Variants in RNF2 observed in about 807,000 individuals in gnomAD.
RNF2 encodes E3 ubiquitin-protein ligase RING2.
In RNF2, 6 loss-of-function variants were observed where a neutral mutation model predicts 37.2. The ratio of observed to expected loss-of-function variants is 0.16; its 90% CI spans 0.09 to 0.32. RNF2 has a LOEUF of 0.32. Ranked by LOEUF, RNF2 falls within the 10% of genes least tolerant of loss-of-function variation. RNF2 has a pLI of 1.00. For synonymous variants in RNF2, 133 were observed against 132.7 expected (o/e 1.00, Z -0.02); for missense variants, 251 against 404.0 (o/e 0.62, Z 3.25).
intron 3 of RNF2, 51 bp downstream of exon 3, chr1:185,091,790 G>T (rs537572104): frequency 7.5e-6 from 11 of 1,462,488 alleles, no homozygotes; most frequent in Admixed American, 2.1e-5. Context: ...CCACGAAAGT[G>T]CTTTCCAGGG....
intron 1 of RNF2, among the ~76,000 whole-genome samples, chr1:185,047,712 A>G (rs1051938054): frequency 1.3e-5 from 2 of 152,228 alleles, no homozygotes; most frequent in Admixed American, 1.3e-4. Flanking sequence ...AAAGCGCTTC[A>G]TAATTTTGAA....
intron 1 of RNF2, among the ~76,000 whole-genome samples, chr1:185,084,205 C>G (rs1377650001): frequency 6.6e-6 from 1 of 151,738 alleles, no homozygotes; most frequent in East Asian, 1.9e-4. Context: ...ACCATAGCCA[C>G]CCAGTCTTTA....
chr1:185,092,712 C>CAT (rs894484623), intron 3 of RNF2, among the ~76,000 whole-genome samples: 4 of 151,666 alleles, frequency 2.6e-5, no homozygotes, highest in South Asian at 2.1e-4. Context: ...TATAAATTAA[C>CAT]ATATATATAT....
chr1:185,099,246 C>T (rs1028111953), intron 5 of RNF2, among the ~76,000 whole-genome samples: 1 of 152,176 alleles, frequency 6.6e-6, no homozygotes. Flanking sequence ...TGGGGTTTCA[C>T]CATGTTGGCC....
At chr1:185,051,969 T>TAC (rs59997641) in intron 1 of RNF2, among the ~76,000 whole-genome samples, 12 of 150,096 alleles carry the variant, frequency 8.0e-5, no homozygotes, top group Admixed American at 6.7e-4. Context: ...TATATATATA[T>TAC]GCATGCACCC....
intron 1 of RNF2, among the ~76,000 whole-genome samples, chr1:185,059,091 T>G (rs780526314): frequency 2.6e-5 from 4 of 152,160 alleles, no homozygotes; most frequent in Non-Finnish European, 1.5e-5. Flanking sequence ...TCTGCCAGGA[T>G]TAAGCTTTTT....
rs1174232454 is a variant in RNF2, at chr1:185,101,418, A to G, written c.*1117A>G. 1 of 152,554 alleles carries G rather than the reference A, an allele frequency of 6.6e-6. No homozygotes were observed. Among genetic ancestry groups the G allele is most frequent in the Admixed American group, 6.6e-5 (1 of 15,260 alleles). The allele number at this position is 152,554 out of a possible 1,614,324, so 9.5% of individuals were successfully genotyped here. A position where few individuals can be genotyped will look rare whatever the true frequency, so the allele number is the denominator to read the frequency against. On this transcript the variant is annotated 3_prime_UTR_variant, in exon 7 of 7. Transcript: ENST00000367510. The stretch of plus-strand genomic sequence containing the variant: ...TGTAGTGAAAGATAATTCTGTAGAA[A>G]AACGTCAGCCAGTAGGGTAAAGTCA...
intron 1 of RNF2, among the ~76,000 whole-genome samples, chr1:185,051,940 A>G (rs1435200661): frequency 2.7e-5 from 4 of 146,358 alleles, no homozygotes; most frequent in Admixed American, 6.9e-5. Context: ...TACATATTAT[A>G]TATACATTTT....
At chr1:185,077,845 T>A (rs1445905503) in intron 1 of RNF2, among the ~76,000 whole-genome samples, 14 of 152,198 alleles carry the variant, frequency 9.2e-5, no homozygotes, top group Non-Finnish European at 2.1e-4. Flanking sequence ...CATTATTGTT[T>A]TATTATTTTA....
chr1:185,086,614 G>A (rs1194271119), intron 1 of RNF2, among the ~76,000 whole-genome samples: 1 of 152,190 alleles, frequency 6.6e-6, no homozygotes, highest in African/African-American at 2.4e-5. Context: ...AGGCTGTCAT[G>A]TAGAAAAATT....
At chr1:185,078,737 C>G (rs1330251802) in intron 1 of RNF2, among the ~76,000 whole-genome samples, 2 of 149,782 alleles carry the variant, frequency 1.3e-5, no homozygotes, top group Non-Finnish European at 3.0e-5. Flanking sequence ...TGGTGAAACC[C>G]CATCTCTACT....
At chr1:185,084,336 A>T (rs1178456299) in intron 1 of RNF2, among the ~76,000 whole-genome samples, 1 of 152,168 alleles carries the variant, frequency 6.6e-6, no homozygotes, top group Non-Finnish European at 1.5e-5. Context: ...GTATTAGGTC[A>T]TTGGTTGTTT....
At chr1:185,078,412 A>C (rs889314629) in intron 1 of RNF2, among the ~76,000 whole-genome samples, 3 of 152,114 alleles carry the variant, frequency 2.0e-5, no homozygotes, top group Non-Finnish European at 2.9e-5. Flanking sequence ...TTTACTAGCC[A>C]CACTGACCTG....
chr1:185,098,726 ATATAT>A (rs1437826432), intron 5 of RNF2, among the ~76,000 whole-genome samples: 2 of 151,910 alleles, frequency 1.3e-5, no homozygotes, highest in Non-Finnish European at 2.9e-5. Context: ...GGATTTAATG[ATATAT>A]TATGTTTTAA....
At chr1:185,056,015 A>G (rs1265241204) in intron 1 of RNF2, among the ~76,000 whole-genome samples, 1 of 152,218 alleles carries the variant, frequency 6.6e-6, no homozygotes, top group African/African-American at 2.4e-5. Context: ...TTAAAGTACT[A>G]TCTAGAATAG....
At chr1:185,051,278 T>G (rs1650263922) in intron 1 of RNF2, among the ~76,000 whole-genome samples, 1 of 152,222 alleles carries the variant, frequency 6.6e-6, no homozygotes, top group African/African-American at 2.4e-5. Flanking sequence ...TAGAAGGCTT[T>G]ACTGTATTAC....
chr1:185,098,572 G>C (rs1291130964), intron 5 of RNF2, among the ~76,000 whole-genome samples: 1 of 152,044 alleles, frequency 6.6e-6, no homozygotes, highest in African/African-American at 2.4e-5. Context: ...AGGTAAAGGG[G>C]CCTATTCAAA....
At chr1:185,088,687 A>G (rs1005294058) in intron 2 of RNF2, among the ~76,000 whole-genome samples, 3 of 152,236 alleles carry the variant, frequency 2.0e-5, no homozygotes, top group Admixed American at 2.0e-4. Context: ...GGCCCTCCAC[A>G]TACATGGGGT....
At chr1:185,047,791 GATT>G (rs1650160870) in intron 1 of RNF2, among the ~76,000 whole-genome samples, 1 of 152,164 alleles carries the variant, frequency 6.6e-6, no homozygotes, top group African/African-American at 2.4e-5. Context: ...AAAAATAAGA[GATT>G]ATGTACTCTG....
Sources: gnomAD v4.1 joint callset for allele counts (sites outside exome capture counted in the v4.1 genomes callset) on GRCh38, gnomAD v4.1.1 for gene constraint, MANE v1.5 for transcripts, NCBI Gene and HGNC (gene_info 2026-07-23, HGNC 2026-07-21) for gene names.